Variants in GRK5 observed in about 807,000 individuals in gnomAD.
GRK5 encodes G protein-coupled receptor kinase 5, also known as g protein-coupled receptor kinase GRK5.
A neutral mutation model predicts 78.4 loss-of-function variants in GRK5; 40 were observed. The observed-to-expected ratio is 0.51, with a 90% CI of 0.40 to 0.66. GRK5 has a LOEUF of 0.66. Ranked by LOEUF, GRK5 falls within the 30% of genes least tolerant of loss-of-function variation. GRK5 has a pLI of 0.00. For synonymous variants in GRK5, 289 were observed against 296.8 expected (o/e 0.97, Z 0.27); for missense variants, 598 against 759.9 (o/e 0.79, Z 2.50).
At chr10:119,346,073 T>G (rs189812609) in intron 2 of GRK5, among the ~76,000 whole-genome samples, 4 of 150,850 alleles carry the variant, frequency 2.7e-5, no homozygotes, top group African/African-American at 9.8e-5. Context: ...GGAGCAGGAC[T>G]AGGCTTCAGG....
intron 3 of GRK5, among the ~76,000 whole-genome samples, chr10:119,382,403 G>A (rs1851727025): frequency 6.6e-6 from 1 of 152,164 alleles, no homozygotes; most frequent in South Asian, 2.1e-4. Context: ...GTGGGGCCTA[G>A]TATTTTAATA....
intron 2 of GRK5, among the ~76,000 whole-genome samples, chr10:119,342,075 G>A (rs573317107): frequency 1.5e-3 from 97 of 63,366 alleles, no homozygotes; most frequent in African/African-American, 6.0e-3. Flanking sequence ...TCTGGCTGCC[G>A]GAGTTCGACT....
At chr10:119,241,250 C>A (rs1289359874) in intron 1 of GRK5, among the ~76,000 whole-genome samples, 2 of 152,122 alleles carry the variant, frequency 1.3e-5, no homozygotes, top group Admixed American at 6.5e-5. Flanking sequence ...AGAGCAAAGG[C>A]CACGTGAGGG....
intron 1 of GRK5, among the ~76,000 whole-genome samples, chr10:119,269,973 A>G (rs974987968): frequency 2.6e-5 from 4 of 151,790 alleles, no homozygotes; most frequent in African/African-American, 4.8e-5. Context: ...AGTCCCCCAC[A>G]CTTTGTCTGC....
chr10:119,301,243 G>A (rs1365136538), intron 1 of GRK5, among the ~76,000 whole-genome samples: 3 of 152,200 alleles, frequency 2.0e-5, no homozygotes, highest in Non-Finnish European at 4.4e-5. Context: ...GCCCCTTCCA[G>A]GCCCCATCTA....
intron 2 of GRK5, among the ~76,000 whole-genome samples, chr10:119,365,877 A>G (rs1851441185): frequency 6.6e-6 from 1 of 152,210 alleles, no homozygotes; most frequent in African/African-American, 2.4e-5. Flanking sequence ...CACAGGGAGA[A>G]ATTTGGAAAC....
intron 2 of GRK5, among the ~76,000 whole-genome samples, chr10:119,329,929 C>G (rs187757475): frequency 2.6e-3 from 341 of 129,194 alleles, no homozygotes; most frequent in Middle Eastern, 0.022. Context: ...GTGGCGTGAT[C>G]TTGGCTCACT....
rs1446390687 is a variant in GRK5 at position 119,396,742 on chromosome 10, G to A, written c.309G>A (p.Lys103=). ...ATGAAAAACTGGGAGAGAAAGGGAA[G>A]GAAATTATGACCAAGTACCTCACCC... is the stretch of plus-strand genomic sequence containing the variant. ...TPDEKLGEKG[K]EIMTKYLTPK... is the part of the protein sequence containing the mutation. The change falls in exon 4 of 16, where the codon AAG becomes AAA. Residue 103 remains lysine (K), a synonymous_variant. Coordinates refer to ENST00000392870, the MANE Select transcript of GRK5 (RefSeq NM_005308.3). 1.2e-6 allele frequency: 2 copies of A among 1,613,732 alleles called. No individual in the cohort carries two copies. The highest frequency in any genetic ancestry group is 1.7e-6 in the Non-Finnish European group (2 of 1,179,704).
intron 2 of GRK5, among the ~76,000 whole-genome samples, chr10:119,360,624 G>A (rs1222390561): frequency 1.3e-5 from 2 of 152,138 alleles, no homozygotes; most frequent in Admixed American, 1.3e-4. Flanking sequence ...AGGAGCCTGT[G>A]TGAGTGGGAA....
intron 1 of GRK5, among the ~76,000 whole-genome samples, chr10:119,311,512 C>A (rs1195102096): frequency 1.3e-5 from 2 of 152,164 alleles, no homozygotes; most frequent in African/African-American, 2.4e-5. Context: ...AGAGGCCTAG[C>A]TTGGTGACTT....
At chr10:119,404,320 G>A (rs1289684412) in intron 4 of GRK5, among the ~76,000 whole-genome samples, 3 of 152,176 alleles carry the variant, frequency 2.0e-5, no homozygotes, top group Non-Finnish European at 4.4e-5. Flanking sequence ...ACTTCTGTGG[G>A]AAATGTCTAT....
intron 1 of GRK5, among the ~76,000 whole-genome samples, chr10:119,244,769 G>C (rs538723073): frequency 6.6e-6 from 1 of 152,044 alleles, no homozygotes; most frequent in Admixed American, 6.6e-5. Context: ...AAACCACAAT[G>C]AGCTGTCACC....
intron 1 of GRK5, among the ~76,000 whole-genome samples, chr10:119,259,065 C>CT (rs397950981): frequency 0.67 from 86,626 of 130,150 alleles, 29,431 homozygotes; most frequent in East Asian, 0.82. Context: ...CTTTCTTTTT[C>CT]TTTTTTTTTT....
At chr10:119,223,361 ATCT>A (rs1271846263) in intron 1 of GRK5, among the ~76,000 whole-genome samples, 3 of 152,164 alleles carry the variant, frequency 2.0e-5, no homozygotes, top group African/African-American at 7.2e-5. Context: ...CTTCAACATA[ATCT>A]TCTTTGGAGG....
In GRK5 at chr10:119,452,310, G is replaced by T. The variant is rs1481192932; in HGVS notation, c.1405-361G>T. The T allele has an allele frequency of 3.9e-6, 1 of 259,322 alleles. No homozygotes were observed. Among genetic ancestry groups the T allele is most frequent in the Non-Finnish European group, 7.5e-6 (1 of 132,868 alleles). The allele number at this position is 259,322 out of a possible 1,614,324, so 16.1% of individuals were successfully genotyped here. ...CCACGTCTGTCCAGTATGGGTAAGG[G>T]AGTGATGGCAGGAATGAGCCCTGGG... On this transcript the variant is annotated intron_variant, in intron 13 of 15. Transcript: ENST00000392870. This position sits in a 1 kb window ranked among gnomAD's most constrained non-coding sequence, Gnocchi z 4.4.
intron 1 of GRK5, among the ~76,000 whole-genome samples, chr10:119,321,903 C>T (rs930758165): frequency 6.6e-6 from 1 of 152,090 alleles, no homozygotes; most frequent in African/African-American, 2.4e-5. Context: ...TAACAGATCT[C>T]CCCCAACCCC....
At chr10:119,442,648 T>A (rs1191875739) in intron 11 of GRK5, among the ~76,000 whole-genome samples, 1 of 152,238 alleles carries the variant, frequency 6.6e-6, no homozygotes, top group Non-Finnish European at 1.5e-5. Flanking sequence ...GGCTTCCTCC[T>A]GTGCATTTCA....
intron 1 of GRK5, among the ~76,000 whole-genome samples, chr10:119,268,385 T>C (rs776657069): frequency 2.4e-4 from 36 of 152,232 alleles, no homozygotes; most frequent in Non-Finnish European, 3.8e-4. Context: ...CTTCTGCCCC[T>C]GGGCAGCCCC....
chr10:119,292,149 TTCCTCCTCCTCTTCC>T (rs1217774401), intron 1 of GRK5, among the ~76,000 whole-genome samples: 44,659 of 63,928 alleles, frequency 0.7, 17,343 homozygotes, highest in East Asian at 0.88. Context: ...TCTCCTCCTC[TTCCTCCTCCTCTTCC>T]TCCTCCTCCT....
Sources: gnomAD v4.1 joint callset for allele counts (sites outside exome capture counted in the v4.1 genomes callset) on GRCh38, gnomAD v4.1.1 for gene constraint, Gnocchi (gnomAD v3.1) non-coding constraint, MANE v1.5 for transcripts, NCBI Gene and HGNC (gene_info 2026-07-23, HGNC 2026-07-21) for gene names.